The following RNF180 variants were observed in gnomAD, a reference collection of about 807,000 sequenced individuals.
RNF180 encodes the protein ring finger protein 180.
Under a neutral mutation model 59.2 loss-of-function variants are expected in RNF180, and 38 were observed. The ratio of observed to expected loss-of-function variants is 0.64; its 90% confidence interval spans 0.50 to 0.84. The LOEUF is 0.84. RNF180 is among the 40% of genes least tolerant of loss of function. The pLI is 0.00. For missense variants in RNF180, 705 were observed against 700.9 expected (o/e 1.01, Z -0.07); for synonymous variants, 262 against 240.3 (o/e 1.09, Z -0.84).
intron 5 of RNF180, among the ~76,000 whole-genome samples, chr5:64,293,805 C>A (rs1742735035): frequency 1.3e-5 from 2 of 152,072 alleles, no homozygotes; most frequent in African/African-American, 4.8e-5. Flanking sequence ...CAGCTTTATC[C>A]TAACTTGTGA....
chr5:64,212,248 A>C lies in RNF180; in HGVS notation c.231+88A>C. On this transcript the variant is annotated intron_variant, in intron 3 of 7. Transcript: ENST00000389100. ...TTTTAGAGCTATTTTTCTTAGATGC[A>C]TTCCTTGGCCAACCTCTTACTGCTC... 11 of 758,892 alleles carry C rather than the reference A, an allele frequency of 1.4e-5. No individual in the cohort carries two copies. In the South Asian group the frequency reaches 1.7e-4, roughly 12 times the overall value. 47.0% of individuals were successfully genotyped at this position (758,892 alleles called of 1,614,324 possible).
intron 7 of RNF180, among the ~76,000 whole-genome samples, chr5:64,352,303 A>C (rs1175320523): frequency 6.6e-6 from 1 of 151,374 alleles, no homozygotes; most frequent in African/African-American, 2.4e-5. Context: ...TTTCTTCTTT[A>C]TTAGTCTTGC....
intron 5 of RNF180, among the ~76,000 whole-genome samples, chr5:64,319,479 A>G (rs377654935): frequency 6.6e-6 from 1 of 152,206 alleles, no homozygotes; most frequent in Non-Finnish European, 1.5e-5. Flanking sequence ...GATAAAGGCA[A>G]ATGTTAACAA....
chr5:64,281,901 C>T (rs777945113), intron 5 of RNF180, among the ~76,000 whole-genome samples: 15 of 152,228 alleles, frequency 9.9e-5, no homozygotes, highest in Middle Eastern at 3.4e-3. Context: ...TGTGATGAAT[C>T]GCATTTATTG....
chr5:64,239,750 C>A (rs192582645), intron 5 of RNF180, among the ~76,000 whole-genome samples: 81 of 152,050 alleles, frequency 5.3e-4, no homozygotes, highest in Non-Finnish European at 8.7e-4. Flanking sequence ...ATATAAATAA[C>A]GATCATCTTA....
chr5:64,323,110 A>G (rs1248067173), intron 5 of RNF180, among the ~76,000 whole-genome samples: 1 of 152,242 alleles, frequency 6.6e-6, no homozygotes, highest in Non-Finnish European at 1.5e-5. Context: ...TTTAAGGAAC[A>G]TGCTCCTGAC....
At chr5:64,355,625 C>G (rs765796355) in intron 7 of RNF180, among the ~76,000 whole-genome samples, 1 of 151,814 alleles carries the variant, frequency 6.6e-6, no homozygotes, top group Non-Finnish European at 1.5e-5. Context: ...AAAAGAAGTA[C>G]AGTGTTCATA....
At chr5:64,284,483 C>A (rs570795822) in intron 5 of RNF180, among the ~76,000 whole-genome samples, 1 of 152,256 alleles carries the variant, frequency 6.6e-6, no homozygotes, top group Non-Finnish European at 1.5e-5. Flanking sequence ...TCACCAATGC[C>A]AACGAGTTGT....
rs545712027 is a variant in RNF180 at position 64,287,997 on chromosome 5, A to G, written c.1228-37189A>G. On this transcript the variant is annotated intron_variant, in intron 5 of 7. Transcript: ENST00000389100. ...TACCCGTGCCTATGTCCTGAATGGT[A>G]TTGCCTAGATTTTCTTCCAGAGTTT... Among the ~76,000 whole-genome samples, 5 of 152,210 alleles carry G rather than the reference A, an allele frequency of 3.3e-5. No homozygotes were observed. The East Asian group carries it at 9.6e-4, about 29-fold the overall frequency.
rs374571368 is a variant in RNF180, at chr5:64,328,959, T to C, written c.1454-1322T>C. Among the ~76,000 whole-genome samples, 62 of 152,320 alleles carry C rather than the reference T, an allele frequency of 4.1e-4. 1 individual carries two copies. In the East Asian group the frequency reaches 6.6e-3, roughly 16 times the overall value. ...AGCCTAAGAGGTTGTTCTCAGATCA[T>C]GGTTTGCTTTCTATGGTTCAGATAT... is the stretch of plus-strand genomic sequence containing the variant. On this transcript the variant is annotated intron_variant, in intron 6 of 7. Coordinates refer to ENST00000389100, the MANE Select transcript of RNF180 (RefSeq NM_001113561.2).
At chr5:64,317,603 C>T (rs1447622164) in intron 5 of RNF180, among the ~76,000 whole-genome samples, 35 of 114,004 alleles carry the variant, frequency 3.1e-4, no homozygotes, top group African/African-American at 9.8e-4. Context: ...TTTATACACA[C>T]ACACACACAC....
chr5:64,190,816 AC>A (rs1227005606), intron 1 of RNF180, among the ~76,000 whole-genome samples: 1 of 152,202 alleles, frequency 6.6e-6, no homozygotes, highest in African/African-American at 2.4e-5. Flanking sequence ...GAGAAGCCTC[AC>A]CAGAAAACAA....
intron 7 of RNF180, among the ~76,000 whole-genome samples, chr5:64,351,597 A>G (rs563942382): frequency 1.3e-5 from 2 of 151,962 alleles, no homozygotes; most frequent in East Asian, 1.9e-4. Context: ...TAATTTATTG[A>G]GAGTTTTTAG....
chr5:64,218,141 C>CA (rs1752734251), intron 5 of RNF180, among the ~76,000 whole-genome samples: 1 of 151,940 alleles, frequency 6.6e-6, no homozygotes, highest in Admixed American at 6.6e-5. Flanking sequence ...TCCTATTTCT[C>CA]AAAAAACGTT....
In RNF180 at chr5:64,369,862, A is replaced by G. The variant is rs781688285; in HGVS notation, c.*48A>G. On this transcript the variant is annotated 3_prime_UTR_variant, in exon 8 of 8. Transcript: ENST00000389100. ...TGACCAATCATAAATGATGTAAATAACAATTGCTTAAACATTTTTAAATGT... is the reference window on the plus strand; with the variant it reads ...TGACCAATCATAAATGATGTAAATAGCAATTGCTTAAACATTTTTAAATGT... The G allele has an allele frequency of 8.5e-5, 88 of 1,032,522 alleles. No homozygotes were observed. Among genetic ancestry groups the G allele is most frequent in the Non-Finnish European group, 9.7e-5 (74 of 762,792 alleles). The allele number at this position is 1,032,522 out of a possible 1,614,324, so 64.0% of individuals were successfully genotyped here. A position where few individuals can be genotyped will look rare whatever the true frequency, so the allele number is the denominator to read the frequency against.
chr5:64,259,613 A>T (rs968423388), intron 5 of RNF180, among the ~76,000 whole-genome samples: 3 of 152,130 alleles, frequency 2.0e-5, no homozygotes, highest in African/African-American at 7.2e-5. Flanking sequence ...TATGATTATA[A>T]GAGTACTATA....
intron 1 of RNF180, among the ~76,000 whole-genome samples, chr5:64,199,902 T>G (rs939227082): frequency 6.6e-6 from 1 of 152,216 alleles, no homozygotes; most frequent in African/African-American, 2.4e-5. Flanking sequence ...GGCTGTTCTC[T>G]GAGTCTTGCT....
At chr5:64,261,185 A>C (rs965057198) in intron 5 of RNF180, among the ~76,000 whole-genome samples, 2 of 152,212 alleles carry the variant, frequency 1.3e-5, no homozygotes, top group Non-Finnish European at 2.9e-5. Flanking sequence ...TACGTACAAC[A>C]TCAGCCTTGG....
rs576935768 is a variant in RNF180 at position 64,196,221 on chromosome 5, C to T, written c.1-4587C>T. 4.0e-4 allele frequency among the ~76,000 whole-genome samples: 60 copies of T among 151,104 alleles called. 1 individual carries two copies. Among genetic ancestry groups the T allele is most frequent in the Admixed American group, 7.9e-4 (12 of 15,200 alleles). The stretch of plus-strand genomic sequence containing the variant: ...TTTTTTTTCCCACCATTAACGCTTT[C>T]GGATGCTATAACTCTTATTTACTAG... On this transcript the variant is annotated intron_variant, in intron 1 of 7. Transcript: ENST00000389100.
Sources: gnomAD v4.1 joint callset for allele counts (sites outside exome capture counted in the v4.1 genomes callset) on GRCh38, gnomAD v4.1.1 for gene constraint, MANE v1.5 for transcripts, NCBI Gene and HGNC (gene_info 2026-07-23, HGNC 2026-07-21) for gene names.